EXOC6B: variants seen among roughly 807,000 people sequenced by gnomAD.
EXOC6B encodes the protein SEC15 homolog B.
Under a neutral mutation model 113.5 loss-of-function variants are expected in EXOC6B, and 54 were observed. That is an observed-to-expected ratio of 0.48 (90% CI 0.38 to 0.60). The LOEUF (loss-of-function observed/expected upper bound fraction) is 0.60. Ranked by LOEUF, EXOC6B falls within the 20% of genes least tolerant of loss-of-function variation. The probability of loss-of-function intolerance (pLI) is 0.00; values close to 1 mark genes in which losing one functional copy is unlikely to be tolerated. For missense variants in EXOC6B, 797 were observed against 977.5 expected, an observed-to-expected ratio of 0.82 and a Z score of 2.46; for synonymous variants, 357 against 339.0, an observed-to-expected ratio of 1.05 and a Z score of -0.58.
intron 1 of EXOC6B, among the ~76,000 whole-genome samples, chr2:72,775,940 T>G (rs1417875189): frequency 6.6e-6 from 1 of 152,208 alleles, no homozygotes; most frequent in African/African-American, 2.4e-5. Flanking sequence ...GTAGGTGAAT[T>G]ATATCAATGT....
At chr2:72,516,856 G>A (rs575194390) in intron 8 of EXOC6B, among the ~76,000 whole-genome samples, 120 of 152,184 alleles carry the variant, frequency 7.9e-4, no homozygotes, top group African/African-American at 2.5e-3. Context: ...TCATGCAAGC[G>A]CTTATTTTAA....
chr2:72,487,607 C>T (rs1699505394), intron 16 of EXOC6B, among the ~76,000 whole-genome samples: 1 of 152,206 alleles, frequency 6.6e-6, no homozygotes, highest in South Asian at 2.1e-4. Context: ...GATTCACCCG[C>T]CTCAGCCTCC....
intron 11 of EXOC6B, among the ~76,000 whole-genome samples, chr2:72,506,510 T>C (rs1444593331): frequency 6.6e-6 from 1 of 152,150 alleles, no homozygotes; most frequent in Non-Finnish European, 1.5e-5. Flanking sequence ...GTGTTTAACC[T>C]ATCTATCTAC....
At chr2:72,505,103 G>C (rs1275985556) in intron 11 of EXOC6B, among the ~76,000 whole-genome samples, 1 of 151,922 alleles carries the variant, frequency 6.6e-6, no homozygotes, top group East Asian at 1.9e-4. Context: ...TTGATGTTTT[G>C]TGTCTGAATC....
At chr2:72,515,272 G>T in intron 8 of EXOC6B, 146 bp from the exon 9 acceptor site, 1 of 917,844 alleles carries the variant, frequency 1.1e-6, no homozygotes, top group Non-Finnish European at 1.6e-6. Flanking sequence ...GATAACAATA[G>T]AAAATACAAA....
At chr2:72,733,265 G>A (rs1391944454) in intron 2 of EXOC6B, 147 bp from the exon 3 acceptor site, 1 of 645,376 alleles carries the variant, frequency 1.5e-6, no homozygotes, top group Non-Finnish European at 2.7e-6. Context: ...GCATTCTCTT[G>A]GGTTTAAATT....
intron 21 of EXOC6B, among the ~76,000 whole-genome samples, chr2:72,181,382 C>G (rs543980524): frequency 6.6e-6 from 1 of 152,068 alleles, no homozygotes; most frequent in Admixed American, 6.6e-5. Context: ...AGAGAAAGCA[C>G]GAGGGTCCTT....
At chr2:72,676,176 G>A (rs1676297446) in intron 6 of EXOC6B, among the ~76,000 whole-genome samples, 4 of 151,176 alleles carry the variant, frequency 2.6e-5, no homozygotes, top group Admixed American at 2.6e-4. Context: ...CTTTTGAGAA[G>A]GGAAAAAAAT....
At chr2:72,397,574 C>A (rs1432739176) in intron 18 of EXOC6B, among the ~76,000 whole-genome samples, 1 of 148,502 alleles carries the variant, frequency 6.7e-6, no homozygotes, top group African/African-American at 2.5e-5. Flanking sequence ...AAGCCGAGAT[C>A]ACGCCACTGC....
At chr2:72,418,796 A>G (rs754026911) in intron 18 of EXOC6B, among the ~76,000 whole-genome samples, 5 of 152,142 alleles carry the variant, frequency 3.3e-5, no homozygotes, top group Non-Finnish European at 5.9e-5. Flanking sequence ...AGGTTAAACC[A>G]CTTATATTTA....
intron 20 of EXOC6B, among the ~76,000 whole-genome samples, chr2:72,195,905 G>A (rs1679139380): frequency 6.6e-6 from 1 of 152,090 alleles, no homozygotes; most frequent in South Asian, 2.1e-4. Context: ...ATTGTGCCTT[G>A]AATTATTAAT....
At chr2:72,460,265 C>G (rs1697534419) in intron 18 of EXOC6B, among the ~76,000 whole-genome samples, 2 of 120,756 alleles carry the variant, frequency 1.7e-5, no homozygotes, top group South Asian at 4.2e-4. Context: ...AGAAGAAAAC[C>G]TAGGCAATAC....
intron 20 of EXOC6B, 64 bp from the exon 21 acceptor site, chr2:72,184,251 G>A: frequency 1.3e-6 from 1 of 799,864 alleles, no homozygotes; most frequent in Middle Eastern, 2.2e-4. Context: ...CAAGATTCCA[G>A]AAACTTCATC....
chr2:72,307,411 G>C (rs1686947791), intron 20 of EXOC6B, among the ~76,000 whole-genome samples: 2 of 152,080 alleles, frequency 1.3e-5, no homozygotes. Context: ...CTCCCAAAGT[G>C]CTGGGATTAC....
chr2:72,747,217 A>C (rs1206418039), intron 1 of EXOC6B, among the ~76,000 whole-genome samples: 1 of 152,036 alleles, frequency 6.6e-6, no homozygotes, highest in East Asian at 1.9e-4. Context: ...TAGTCTGTAA[A>C]CCAATCATGG....
At chr2:72,536,252 T>C (rs1702281944) in intron 8 of EXOC6B, among the ~76,000 whole-genome samples, 1 of 152,220 alleles carries the variant, frequency 6.6e-6, no homozygotes, top group South Asian at 2.1e-4. Context: ...TATATTTATT[T>C]CTATTAAAAT....
At chr2:72,437,199 C>G (rs1349803754) in intron 18 of EXOC6B, among the ~76,000 whole-genome samples, 1 of 152,172 alleles carries the variant, frequency 6.6e-6, no homozygotes, top group African/African-American at 2.4e-5. Context: ...CCCTCCAGAC[C>G]CTGTTTGCCT....
chr2:72,289,185 A>C (rs1045883011), intron 20 of EXOC6B: 1 of 174,994 alleles, frequency 5.7e-6, no homozygotes, highest in African/African-American at 2.4e-5. Context: ...CATATTAATT[A>C]CTTCTGGGTG....
At chr2:72,716,058 T>G (rs771575738) in intron 6 of EXOC6B, among the ~76,000 whole-genome samples, 10 of 152,220 alleles carry the variant, frequency 6.6e-5, no homozygotes, top group Non-Finnish European at 1.2e-4. Flanking sequence ...AGATTACATT[T>G]TCCAGCCTCT....
Sources: gnomAD v4.1 joint callset for allele counts (sites outside exome capture counted in the v4.1 genomes callset) on GRCh38, gnomAD v4.1.1 for gene constraint, MANE v1.5 for transcripts, NCBI Gene and HGNC (gene_info 2026-07-23, HGNC 2026-07-21) for gene names.